The following IL13 variants were observed in gnomAD, a reference collection of about 807,000 sequenced individuals.
IL13 encodes interleukin-13.
IL13 carries 9 observed loss-of-function variants against 11.1 expected under a neutral mutation model. The observed-to-expected ratio is 0.81, with a 90% CI of 0.49 to 1.42. IL13 has a LOEUF of 1.42. IL13 is among the 40% of genes most tolerant of loss of function. The probability of loss-of-function intolerance (pLI) is 0.00; values close to 1 mark genes in which losing one functional copy is unlikely to be tolerated. For synonymous variants in IL13, 75 were observed against 76.9 expected (o/e 0.97, Z 0.13); for missense variants, 181 against 182.5 (o/e 0.99, Z 0.05).
chr5:132,659,624 A>G lies in IL13; in HGVS notation c.229-100A>G. 1.3e-6 allele frequency: 2 copies of G among 1,593,968 alleles called. No homozygotes were observed. Among genetic ancestry groups the G allele is most frequent in the East Asian group, 2.3e-5 (1 of 44,352 alleles). ...TCTGGCCCCTTCCCGCCCACCACCC[A>G]GACTCACCTGCGCCAGGCATCTCAG... On this transcript the variant is annotated intron_variant, in intron 2 of 3. Transcript: ENST00000304506. The surrounding 1 kb of genome is among the most constrained non-coding windows in gnomAD (Gnocchi z 4.1).
rs781754061 is a variant in IL13, at chr5:132,659,823, G to GC, written c.329dup (p.Gly111TrpfsTer74). ...CGGATTCTGCCCGCACAAGGTCTCA[G>GC]CTGGGGTAAGGCATCCCCCACCCTC... On this transcript the variant is annotated frameshift_variant, in exon 3 of 4. Coordinates refer to ENST00000304506, the MANE Select transcript of IL13 (RefSeq NM_002188.3). LOFTEE classifies it high-confidence loss of function. This position sits in a 1 kb window ranked among gnomAD's most constrained non-coding sequence, Gnocchi z 4.1. The GC allele has an allele frequency of 1.2e-6, 2 of 1,613,666 alleles. No homozygotes were observed. The highest frequency in any genetic ancestry group is 3.3e-5 in the Admixed American group (2 of 60,026).
chr5:132,659,807 C>T lies in IL13; in HGVS notation c.312C>T (p.Cys104=), dbSNP rs1304225612. Residue 104 remains cysteine (C), a synonymous_variant, in exon 3 of 4, where the codon TGC becomes TGT. Coordinates refer to ENST00000304506, the MANE Select transcript of IL13 (RefSeq NM_002188.3). The surrounding 1 kb of genome is among the most constrained non-coding windows in gnomAD (Gnocchi z 4.1). ...CCCAGAGGATGCTGAGCGGATTCTGCCCGCACAAGGTCTCAGCTGGGGTAA... is the reference window on the plus strand; with the variant it reads ...CCCAGAGGATGCTGAGCGGATTCTGTCCGCACAAGGTCTCAGCTGGGGTAA... ...EKTQRMLSGF[C]PHKVSAGQFS... 6 of 1,613,798 alleles carry T rather than the reference C, an allele frequency of 3.7e-6. 1 individual carries two copies. Among genetic ancestry groups the T allele is most frequent in the Middle Eastern group, 3.3e-4 (2 of 6,054 alleles).
At chr5:132,658,056 A>G (rs559036428), upstream of IL13, 16 of 572,636 alleles carry the variant, frequency 2.8e-5, no homozygotes, top group South Asian at 2.5e-4. Context: ...TTTTCCACAA[A>G]GTAAAATCAA....
rs919980028 is a variant in IL13 at position 132,658,240 on chromosome 5, G to T, written c.54G>T (p.Leu18Phe). Residue 18 changes from leucine (L) to phenylalanine (F), a missense_variant, in exon 1 of 4, where the codon TTG (leucine) becomes TTT (phenylalanine). By Grantham distance (22) the Leu-to-Phe change is conservative. Coordinates refer to ENST00000304506, the MANE Select transcript of IL13 (RefSeq NM_002188.3). ...TGGCACTGGGCCTCATGGCGCTTTTGTTGACCACGGTCATTGCTCTCACTT... is the reference window on the plus strand; with the variant it reads ...TGGCACTGGGCCTCATGGCGCTTTTTTTGACCACGGTCATTGCTCTCACTT... ...LLLALGLMAL[L>F]LTTVIALTCL... 6.2e-7 allele frequency: 1 copy of T among 1,611,738 alleles called. No homozygotes were observed.
In IL13 at chr5:132,658,380, G is replaced by C. The variant is rs752977001; in HGVS notation, c.174+20G>C. 1 of 1,549,242 alleles carries C rather than the reference G, an allele frequency of 6.5e-7. No individual in the cohort carries two copies. The highest frequency in any genetic ancestry group is 1.1e-5 in the South Asian group (1 of 87,522). On this transcript the variant is annotated intron_variant, in intron 1 of 3. Coordinates refer to ENST00000304506, the MANE Select transcript of IL13 (RefSeq NM_002188.3). ...CAGAAGGTGAGTGTCGGCTAGCCAG[G>C]GTCCTAGCTATGAGGGCTCCAGGGT... is the stretch of plus-strand genomic sequence containing the variant.
Position 132,660,575 on chromosome 5 carries a change from G to A in IL13, c.*293G>A. 6.2e-6 allele frequency: 2 copies of A among 321,084 alleles called. No homozygotes were observed. The highest frequency in any genetic ancestry group is 1.2e-5 in the Non-Finnish European group (2 of 172,142). 19.9% of individuals were successfully genotyped at this position (321,084 alleles called of 1,614,324 possible). A position where few individuals can be genotyped will look rare whatever the true frequency, so the allele number is the denominator to read the frequency against. ...CTCCCCTGCCCTAGAGCACACTGTA[G>A]CATTACAGTGGGTGCCCCCCTTGCC... is the stretch of plus-strand genomic sequence containing the variant. On this transcript the variant is annotated 3_prime_UTR_variant, in exon 4 of 4. Transcript: ENST00000304506.
upstream of IL13, among the ~76,000 whole-genome samples, chr5:132,657,840 C>G (rs113533223): frequency 6.6e-6 from 1 of 152,166 alleles, no homozygotes; most frequent in African/African-American, 2.4e-5. Context: ...AGGACAGGAG[C>G]TCAGAGTTGG....
chr5:132,659,722 A>T lies in IL13; in HGVS notation c.229-2A>T. ...TGACCCCTCGGTGTCCCCTCCCCAC[A>T]GTACTGTGCAGCCCTGGAATCCCTG... On this transcript the variant is annotated splice_acceptor_variant, in intron 2 of 3. Transcript: ENST00000304506. LOFTEE classifies it high-confidence loss of function. This position sits in a 1 kb window ranked among gnomAD's most constrained non-coding sequence, Gnocchi z 4.1. 6.2e-7 allele frequency: 1 copy of T among 1,613,720 alleles called. No homozygotes were observed. The highest frequency in any genetic ancestry group is 8.5e-7 in the Non-Finnish European group (1 of 1,179,954).
At position 132,658,298 on chromosome 5, in the gene IL13, C is replaced by A; in HGVS notation, c.112C>A (p.Pro38Thr). ...CGGCTTTGCCTCCCCAGGCCCTGTG[C>A]CTCCCTCTACAGCCCTCAGGGAGCT... Reference protein sequence around the residue: ...LGGFASPGPVPPSTALRELIE... With the variant: ...LGGFASPGPVTPSTALRELIE... Residue 38 changes from proline to threonine, a missense_variant, in exon 1 of 4, where the codon CCT becomes ACT. Pro to Thr is a conservative substitution (Grantham distance 38, BLOSUM62 -1). Coordinates refer to ENST00000304506, the MANE Select transcript of IL13 (RefSeq NM_002188.3). 6.2e-7 allele frequency: 1 copy of A among 1,610,022 alleles called. No homozygotes were observed. Among genetic ancestry groups the A allele is most frequent in the South Asian group, 1.1e-5 (1 of 90,976 alleles).
intron 1 of IL13, chr5:132,658,678 G>A (rs985377378): frequency 3.4e-6 from 1 of 294,332 alleles, no homozygotes; most frequent in African/African-American, 2.2e-5. Context: ...CACCCTCCCA[G>A]AACCATGTGG....
chr5:132,657,422 T>TG (rs1261787474), upstream of IL13, among the ~76,000 whole-genome samples: 1 of 151,724 alleles, frequency 6.6e-6, no homozygotes, highest in African/African-American at 2.4e-5. Context: ...GAAGCTGAGG[T>TG]GGGGGGATCG....
At position 132,659,312 on chromosome 5, in the gene IL13, C is replaced by T; in HGVS notation, c.175-106C>T. The T allele has an allele frequency of 1.3e-6, 1 of 799,884 alleles. No individual in the cohort carries two copies. The highest frequency in any genetic ancestry group is 2.2e-6 in the Non-Finnish European group (1 of 462,972). The allele number at this position is 799,884 out of a possible 1,614,324, so 49.5% of individuals were successfully genotyped here. ...CTGCCAGGCCTGCCTCTGTGCCACACCAGGGATGCTTGTGGGGCCTGTGCT... is the reference window on the plus strand; with the variant it reads ...CTGCCAGGCCTGCCTCTGTGCCACATCAGGGATGCTTGTGGGGCCTGTGCT... On this transcript the variant is annotated intron_variant, in intron 1 of 3. Coordinates refer to ENST00000304506, the MANE Select transcript of IL13 (RefSeq NM_002188.3). This position sits in a 1 kb window ranked among gnomAD's most constrained non-coding sequence, Gnocchi z 4.1.
In IL13 at chr5:132,659,528, C is replaced by A; in HGVS notation, c.228+57C>A. 6.4e-7 allele frequency: 1 copy of A among 1,565,824 alleles called. No homozygotes were observed. ...CAGAGGCTCCAGGCCTTGGGCTTAT[C>A]TTCTCTGAGCCTCCCTTCCATGGCT... On this transcript the variant is annotated intron_variant, in intron 2 of 3. Coordinates refer to ENST00000304506, the MANE Select transcript of IL13 (RefSeq NM_002188.3). The surrounding 1 kb of genome is among the most constrained non-coding windows in gnomAD (Gnocchi z 4.1).
Position 132,659,666 on chromosome 5 carries a change from A to G in IL13, c.229-58A>G, listed in dbSNP as rs1202307085. On this transcript the variant is annotated intron_variant, in intron 2 of 3. Transcript: ENST00000304506. This position sits in a 1 kb window ranked among gnomAD's most constrained non-coding sequence, Gnocchi z 4.1. Reference sequence around the variant, plus strand: ...GCATCTCAGCCCCATCTTCCTGCAGACTCACAAAAGGCAGCTGCCCAAGCA... The same window carrying G: ...GCATCTCAGCCCCATCTTCCTGCAGGCTCACAAAAGGCAGCTGCCCAAGCA... 1.9e-6 allele frequency: 3 copies of G among 1,601,492 alleles called. No individual in the cohort carries two copies. Among genetic ancestry groups the G allele is most frequent in the Non-Finnish European group, 2.6e-6 (3 of 1,171,348 alleles).
At chr5:132,658,668 C>T in intron 1 of IL13, 1 of 325,020 alleles carries the variant, frequency 3.1e-6, no homozygotes, top group Non-Finnish European at 5.6e-6. Context: ...GAAGGGCCAG[C>T]ACCCTCCCAG....
At chr5:132,658,650 A>G in intron 1 of IL13, 1 of 361,514 alleles carries the variant, frequency 2.8e-6, no homozygotes, top group Non-Finnish European at 5.0e-6. Flanking sequence ...TGAACAGAGG[A>G]CAGCAGAGAA....
chr5:132,660,159 C>T lies in IL13; in HGVS notation c.334-16C>T, dbSNP rs1752122252. The T allele has an allele frequency of 6.2e-7, 1 of 1,612,818 alleles. No homozygotes were observed. Among genetic ancestry groups the T allele is most frequent in the East Asian group, 2.2e-5 (1 of 44,880 alleles). ...CTCTGGCGTTCTACTCATGTGCTGA[C>T]CTCTTTGTCCTGCAGCAGTTTTCCA... is the stretch of plus-strand genomic sequence containing the variant. On this transcript the variant is annotated splice_polypyrimidine_tract_variant and intron_variant, in intron 3 of 3. Transcript: ENST00000304506.
rs200168712 is a variant in IL13, at chr5:132,658,194, C to T, written c.8C>T (p.Pro3Leu). Reference protein sequence around the residue: MHPLLNPLLLALG... With the variant: MHLLLNPLLLALG... ...CCACAAGCCACCCAGCCTATGCATC[C>T]GCTCCTCAATCCTCTCCTGTTGGCA... Residue 3 changes from proline to leucine, a missense_variant, in exon 1 of 4, where the codon CCG (proline) becomes CTG (leucine). By Grantham distance (98) the Pro-to-Leu change is moderately conservative (BLOSUM62 -3). Transcript: ENST00000304506. 30 of 1,601,430 alleles carry T rather than the reference C, an allele frequency of 1.9e-5. No individual in the cohort carries two copies. The highest frequency in any genetic ancestry group is 1.4e-4 in the Admixed American group (8 of 58,828).
chr5:132,658,272 G>C lies in IL13; in HGVS notation c.86G>C (p.Gly29Ala). 6.2e-7 allele frequency: 1 copy of C among 1,610,916 alleles called. No homozygotes were observed. The highest frequency in any genetic ancestry group is 8.5e-7 in the Non-Finnish European group (1 of 1,177,020). The stretch of plus-strand genomic sequence containing the variant: ...ACGGTCATTGCTCTCACTTGCCTTG[G>C]CGGCTTTGCCTCCCCAGGCCCTGTG... ...LTTVIALTCL[G>A]GFASPGPVPP... is the part of the protein sequence containing the mutation. Residue 29 changes from glycine (G) to alanine (A), a missense_variant, in exon 1 of 4, where the codon GGC becomes GCC. Coordinates refer to ENST00000304506, the MANE Select transcript of IL13 (RefSeq NM_002188.3).
Sources: gnomAD v4.1 joint callset for allele counts (sites outside exome capture counted in the v4.1 genomes callset) on GRCh38, gnomAD v4.1.1 for gene constraint, Gnocchi (gnomAD v3.1) non-coding constraint, MANE v1.5 for transcripts, NCBI Gene and HGNC (gene_info 2026-07-23, HGNC 2026-07-21) for gene names.